Variants in ISY1 observed in about 807,000 individuals in gnomAD.
ISY1 encodes the protein ISY1 spliceosome associated protein, also known as pre-mRNA-splicing factor ISY1 homolog.
A neutral mutation model predicts 54.4 loss-of-function variants in ISY1; 12 were observed. The observed-to-expected ratio is 0.22, with a 90% CI of 0.14 to 0.36. The LOEUF (loss-of-function observed/expected upper bound fraction) is 0.36. Among genes scored for constraint, ISY1 ranks in the 10% least tolerant of loss-of-function variants. The probability of loss-of-function intolerance (pLI) is 1.00; values close to 1 mark genes in which losing one functional copy is unlikely to be tolerated. For missense variants in ISY1, 282 were observed against 342.2 expected, an observed-to-expected ratio of 0.82 and a Z score of 1.39; for synonymous variants, 96 against 117.9, an observed-to-expected ratio of 0.81 and a Z score of 1.20.
chr3:129,158,572 T>C lies in ISY1; in HGVS notation c.27-13A>G, dbSNP rs1363641853. ...TGCTAAGGCCGTCCTACCAGCGATA[T>C]AAAAGATAAAAGACTCCATTAGATC... On this transcript the variant is annotated splice_polypyrimidine_tract_variant and intron_variant, in intron 2 of 10. Coordinates refer to ENST00000393295, the MANE Select transcript of ISY1 (RefSeq NM_020701.4). 4 of 1,613,918 alleles carry C rather than the reference T, an allele frequency of 2.5e-6. No homozygotes were observed. Among genetic ancestry groups the C allele is most frequent in the South Asian group, 1.1e-5 (1 of 91,082 alleles).
Position 129,156,822 on chromosome 3 carries a change from C to G in ISY1, c.144+33G>C, listed in dbSNP as rs369338318. 1.9e-6 allele frequency: 3 copies of G among 1,605,680 alleles called. No homozygotes were observed. The South Asian group carries it at 3.4e-5, about 18-fold the overall frequency. The stretch of plus-strand genomic sequence containing the variant: ...ATAAGAAGAAATGAGAGACTTGTTA[C>G]TTCTACTGAAATCAGATTTACCCAG... On this transcript the variant is annotated intron_variant, in intron 4 of 10. Coordinates refer to ENST00000393295, the MANE Select transcript of ISY1 (RefSeq NM_020701.4).
intron 6 of ISY1, among the ~76,000 whole-genome samples, chr3:129,141,413 A>G (rs1936608274): frequency 6.6e-6 from 1 of 152,058 alleles, no homozygotes; most frequent in Non-Finnish European, 1.5e-5. Context: ...CTATCGTGCC[A>G]CTGCATTCCA....
intron 7 of ISY1, among the ~76,000 whole-genome samples, chr3:129,135,395 T>A (rs1936361185): frequency 6.6e-6 from 1 of 151,916 alleles, no homozygotes; most frequent in South Asian, 2.1e-4. Context: ...ATTCATGGAA[T>A]TATTTAAGTG....
At chr3:129,155,337 G>A (rs1455920657) in intron 5 of ISY1, among the ~76,000 whole-genome samples, 1 of 151,306 alleles carries the variant, frequency 6.6e-6, no homozygotes, top group Non-Finnish European at 1.5e-5. Flanking sequence ...TGGGATTACA[G>A]GCACATGACA....
In ISY1 at chr3:129,156,613, A is replaced by T. The variant is rs1277391576; in HGVS notation, c.187+20T>A. On this transcript the variant is annotated intron_variant, in intron 5 of 10. Transcript: ENST00000393295. ...TGTGGATTTGAGAATCAAGCACTTT[A>T]AAGGAACAAGTTTGCTTACCATTCT... 6.2e-7 allele frequency: 1 copy of T among 1,610,430 alleles called. No homozygotes were observed. The highest frequency in any genetic ancestry group is 2.2e-5 in the East Asian group (1 of 44,734).
intron 9 of ISY1, among the ~76,000 whole-genome samples, chr3:129,133,552 T>G (rs1282237645): frequency 1.3e-5 from 2 of 152,046 alleles, no homozygotes; most frequent in Non-Finnish European, 2.9e-5. Context: ...AAATTAGCCA[T>G]GCGTGGTGGC....
chr3:129,127,877 G>C lies in ISY1; in HGVS notation c.*2204C>G, dbSNP rs1282877340. 6.6e-6 allele frequency: 1 copy of C among 152,260 alleles called. No individual in the cohort carries two copies. The highest frequency in any genetic ancestry group is 1.5e-5 in the Non-Finnish European group (1 of 68,072). 9.4% of individuals were successfully genotyped at this position (152,260 alleles called of 1,614,324 possible). ...GCCATCCTTCCCAGGGAGAAGGAAG[G>C]CCTGATGTCTGGATTCCCCATTCTC... On this transcript the variant is annotated 3_prime_UTR_variant, in exon 11 of 11. Coordinates refer to ENST00000393295, the MANE Select transcript of ISY1 (RefSeq NM_020701.4).
intron 7 of ISY1, among the ~76,000 whole-genome samples, chr3:129,137,854 G>A (rs1052583740): frequency 7.6e-5 from 11 of 144,426 alleles, no homozygotes; most frequent in African/African-American, 2.3e-4. Flanking sequence ...AGAGCTTACA[G>A]CAGTGTGCCG....
At chr3:129,133,506 C>T (rs988266103) in intron 9 of ISY1, among the ~76,000 whole-genome samples, 1 of 152,114 alleles carries the variant, frequency 6.6e-6, no homozygotes, top group Non-Finnish European at 1.5e-5. Flanking sequence ...CCAGCCTGGC[C>T]AATATGGTGA....
chr3:129,148,489 T>C (rs933808745), intron 5 of ISY1, among the ~76,000 whole-genome samples: 2 of 152,244 alleles, frequency 1.3e-5, no homozygotes, highest in African/African-American at 2.4e-5. Context: ...AAGTGTGTAG[T>C]ATCCCACTGT....
Position 129,130,543 on chromosome 3 carries a change from G to T in ISY1, c.750+7C>A. 6.2e-7 allele frequency: 1 copy of T among 1,614,008 alleles called. No individual in the cohort carries two copies. The highest frequency in any genetic ancestry group is 1.3e-5 in the African/African-American group (1 of 75,026). On this transcript the variant is annotated splice_region_variant and intron_variant, in intron 10 of 10. Transcript: ENST00000393295. ...GGCGCCCAGGCAGCTCTTAGCTGTG[G>T]TCCTACCTCTTGCTGCGAGGGAACA...
intron 2 of ISY1, among the ~76,000 whole-genome samples, 191 bp downstream of exon 2, chr3:129,158,963 G>A (rs949795833): frequency 6.6e-6 from 1 of 152,116 alleles, no homozygotes; most frequent in Non-Finnish European, 1.5e-5. Context: ...GAAACTGTGA[G>A]AAAACACATA....
At chr3:129,153,975 G>A (rs1937052531) in intron 5 of ISY1, among the ~76,000 whole-genome samples, 1 of 151,916 alleles carries the variant, frequency 6.6e-6, no homozygotes, top group Non-Finnish European at 1.5e-5. Context: ...GGGCGCCATG[G>A]CTCACGCCTG....
intron 7 of ISY1, among the ~76,000 whole-genome samples, chr3:129,139,179 C>T (rs2107605667): frequency 6.6e-6 from 1 of 152,170 alleles, no homozygotes; most frequent in East Asian, 1.9e-4. Flanking sequence ...TTGTGATTCT[C>T]CCGCCTCAGG....
chr3:129,151,430 A>G (rs1389720020), intron 5 of ISY1, among the ~76,000 whole-genome samples: 1 of 151,628 alleles, frequency 6.6e-6, no homozygotes, highest in African/African-American at 2.4e-5. Context: ...GGAGTTCGAG[A>G]CCAGGCTGGC....
At chr3:129,145,677 C>G (rs9842978) in intron 6 of ISY1, 84 bp downstream of exon 6, 1,278,484 of 1,325,450 alleles carry the variant, frequency 0.96, 617,699 homozygotes, top group East Asian at 1. Context: ...CTGTATCAAG[C>G]GACTACTATG....
chr3:129,154,527 T>A (rs1937076679), intron 5 of ISY1, among the ~76,000 whole-genome samples: 1 of 151,626 alleles, frequency 6.6e-6, no homozygotes, highest in Non-Finnish European at 1.5e-5. Context: ...CTATTTCATC[T>A]AAGTTGTCAA....
chr3:129,133,399 A>T (rs1335747619), intron 9 of ISY1, among the ~76,000 whole-genome samples: 1 of 152,196 alleles, frequency 6.6e-6, no homozygotes, highest in Non-Finnish European at 1.5e-5. Context: ...TCCATGTGTA[A>T]GACAGGGGTG....
rs1936162490 is a variant in ISY1, at chr3:129,128,833, G to A, written c.*1248C>T. ...GACCCTGCAGAGGGCAGGAAGCCAG[G>A]CACCATCTTGCCCAGGGGCTACAGC... On this transcript the variant is annotated 3_prime_UTR_variant, in exon 11 of 11. Transcript: ENST00000393295. The A allele has an allele frequency of 6.6e-6, 1 of 152,520 alleles. No individual in the cohort carries two copies. The highest frequency in any genetic ancestry group is 2.4e-5 in the African/African-American group (1 of 41,470). 9.4% of individuals were successfully genotyped at this position (152,520 alleles called of 1,614,324 possible). A position where few individuals can be genotyped will look rare whatever the true frequency, so the allele number is the denominator to read the frequency against.
Sources: allele counts gnomAD v4.1 joint callset (sites outside exome capture counted in the v4.1 genomes callset), GRCh38; gene constraint gnomAD v4.1.1; transcripts MANE v1.5; gene names NCBI Gene and HGNC (gene_info 2026-07-23, HGNC 2026-07-21).